The following VXN variants were observed in gnomAD, a reference collection of about 807,000 sequenced individuals.
VXN encodes vexin, also known as uncharacterized protein C8orf46.
A neutral mutation model predicts 23.1 loss-of-function variants in VXN; 7 were observed. The observed-to-expected ratio is 0.30, with a 90% CI of 0.17 to 0.57. The LOEUF (loss-of-function observed/expected upper bound fraction) is 0.57. VXN is among the 20% of genes least tolerant of loss of function. VXN has a pLI of 0.91. For synonymous variants in VXN, 120 were observed against 105.8 expected (o/e 1.13, Z -0.83); for missense variants, 238 against 272.6 (o/e 0.87, Z 0.89).
chr8:66,513,505 G>A, intron 4 of VXN, 35 bp from the exon 5 acceptor site: 1 of 1,558,322 alleles, frequency 6.4e-7, no homozygotes, highest in Non-Finnish European at 8.9e-7. Flanking sequence ...GAAGGCAGAT[G>A]CATCCTCACA....
In VXN at chr8:66,517,072, A is replaced by G. The variant is rs1214453328; in HGVS notation, c.*996A>G. On this transcript the variant is annotated 3_prime_UTR_variant, in exon 6 of 6. Coordinates refer to ENST00000305454, the MANE Select transcript of VXN (RefSeq NM_152765.4). ...GGATTTGAATGAAATACACTATTAT[A>G]TCTTATATGTTAGCTTGAACCAGAA... The G allele has an allele frequency of 6.6e-6, 1 of 152,250 alleles. No homozygotes were observed. The highest frequency in any genetic ancestry group is 2.4e-5 in the African/African-American group (1 of 41,478). 9.4% of individuals were successfully genotyped at this position (152,250 alleles called of 1,614,324 possible).
rs544597175 is a variant in VXN, at chr8:66,516,680, G to C, written c.*604G>C. On this transcript the variant is annotated 3_prime_UTR_variant, in exon 6 of 6. Transcript: ENST00000305454. Reference sequence around the variant, plus strand: ...GTTTTTCTATAGAAAAACATTAAAAGTTAAATGTTGACTGCTAATGTTTTC... The same window carrying C: ...GTTTTTCTATAGAAAAACATTAAAACTTAAATGTTGACTGCTAATGTTTTC... 6.6e-6 allele frequency: 1 copy of C among 152,334 alleles called. No individual in the cohort carries two copies. The highest frequency in any genetic ancestry group is 2.4e-5 in the African/African-American group (1 of 41,570). 9.4% of individuals were successfully genotyped at this position (152,334 alleles called of 1,614,324 possible). A position where few individuals can be genotyped will look rare whatever the true frequency, so the allele number is the denominator to read the frequency against.
chr8:66,496,614 G>T, intron 2 of VXN, 122 bp downstream of exon 2: 1 of 868,120 alleles, frequency 1.2e-6, no homozygotes, highest in Non-Finnish European at 1.9e-6. Context: ...GTTCCATGTG[G>T]TGCGTGCTGC....
At chr8:66,509,969 C>T (rs533417144) in intron 3 of VXN, 127 bp from the exon 4 acceptor site, 3 of 860,014 alleles carry the variant, frequency 3.5e-6, no homozygotes, top group East Asian at 5.1e-5. Context: ...GGTTTTGCTG[C>T]TTGGTACAAA....
At chr8:66,510,978 G>A (rs544533989) in intron 4 of VXN, among the ~76,000 whole-genome samples, 1 of 152,272 alleles carries the variant, frequency 6.6e-6, no homozygotes, top group South Asian at 2.1e-4. Flanking sequence ...AGGCTGAAAT[G>A]ACCAAGCTTT....
At position 66,510,138 on chromosome 8, in the gene VXN, G is replaced by A. The variant is rs771099781; in HGVS notation, c.323G>A (p.Arg108Gln). The A allele has an allele frequency of 7.4e-6, 12 of 1,612,504 alleles. No individual in the cohort carries two copies. Among genetic ancestry groups the A allele is most frequent in the Non-Finnish European group, 9.3e-6 (11 of 1,179,486 alleles). ...AAAACATCAAATCTGTGTGGGAATCGAGCATATGGAAAATCTCTGGTAAGT... is the reference window on the plus strand; with the variant it reads ...AAAACATCAAATCTGTGTGGGAATCAAGCATATGGAAAATCTCTGGTAAGT... Reference protein sequence around the residue: ...EPKTSNLCGNRAYGKSLIPPV... With the variant: ...EPKTSNLCGNQAYGKSLIPPV... The change falls in exon 4 of 6, where the codon CGA (arginine) becomes CAA (glutamine). Residue 108 changes from arginine to glutamine, a missense_variant. Arg to Gln is a conservative substitution (Grantham distance 43). Around this residue, in one of 2 missense-constraint regions of VXN, gnomAD observed 223 missense variants for 236.9 expected, o/e 0.94. Transcript: ENST00000305454.
chr8:66,511,616 G>A (rs1013599896), intron 4 of VXN, among the ~76,000 whole-genome samples: 2 of 152,228 alleles, frequency 1.3e-5, no homozygotes, highest in African/African-American at 4.8e-5. Flanking sequence ...GTCAAGAGGA[G>A]GCAGGTAGCT....
intron 4 of VXN, 25 bp from the exon 5 acceptor site, chr8:66,513,515 A>G (rs781137138): frequency 1.3e-6 from 2 of 1,599,998 alleles, no homozygotes; most frequent in Admixed American, 3.3e-5. Context: ...GCATCCTCAC[A>G]CTCCCTCCCG....
At position 66,515,953 on chromosome 8, in the gene VXN, C is replaced by T. The variant is rs1044442404; in HGVS notation, c.501C>T (p.Ala167=). Residue 167 remains alanine (A), a synonymous_variant, in exon 6 of 6, where the codon GCC becomes GCT. Transcript: ENST00000305454. Reference sequence around the variant, plus strand: ...CAGCCCTTCCCCAAGGAGCAGAAGCCTCTCTACCACTGACAGGCAGTGCTT... The same window carrying T: ...CAGCCCTTCCCCAAGGAGCAGAAGCTTCTCTACCACTGACAGGCAGTGCTT... ...EYPALPQGAE[A]SLPLTGSASC... 6.2e-7 allele frequency: 1 copy of T among 1,613,838 alleles called. No homozygotes were observed. Among genetic ancestry groups the T allele is most frequent in the Non-Finnish European group, 8.5e-7 (1 of 1,179,898 alleles).
chr8:66,511,647 C>G (rs969478545), intron 4 of VXN, among the ~76,000 whole-genome samples: 4 of 152,188 alleles, frequency 2.6e-5, no homozygotes, highest in African/African-American at 9.7e-5. Context: ...GACTGCCTGG[C>G]CCCAGCCCTT....
In VXN at chr8:66,505,362, C is replaced by T. The variant is rs755742922; in HGVS notation, c.127-13C>T. ...CAGAGGAGTGGGCTAACCGCGTTTC[C>T]CCCGCCCGGCAGGTGGTGATCGAGT... On this transcript the variant is annotated splice_polypyrimidine_tract_variant and intron_variant, in intron 2 of 5. Coordinates refer to ENST00000305454, the MANE Select transcript of VXN (RefSeq NM_152765.4). 4.4e-6 allele frequency: 7 copies of T among 1,574,222 alleles called. No homozygotes were observed. Among genetic ancestry groups the T allele is most frequent in the African/African-American group, 4.0e-5 (3 of 74,486 alleles).
intron 3 of VXN, among the ~76,000 whole-genome samples, chr8:66,507,842 A>C (rs1807776794): frequency 6.6e-6 from 1 of 152,188 alleles, no homozygotes; most frequent in East Asian, 1.9e-4. Context: ...CCTCCTGTCA[A>C]GAAAGGTGCC....
rs140756002 is a variant in VXN at position 66,517,635 on chromosome 8, T to C, written c.*1559T>C. On this transcript the variant is annotated 3_prime_UTR_variant, in exon 6 of 6. Transcript: ENST00000305454. ...TTAGTAATTCTTGCCCATGGAGGGA[T>C]TAGTGACACATGCCTTGTATATTTG... The C allele has an allele frequency of 4.6e-5, 7 of 152,372 alleles. No homozygotes were observed. In the East Asian group the frequency reaches 9.6e-4, roughly 21 times the overall value. The allele number at this position is 152,372 out of a possible 1,614,324, so 9.4% of individuals were successfully genotyped here.
At chr8:66,505,206 C>A in intron 2 of VXN, 169 bp from the exon 3 acceptor site, 1 of 916,814 alleles carries the variant, frequency 1.1e-6, no homozygotes, top group Non-Finnish European at 1.7e-6. Flanking sequence ...TCACTTCTGG[C>A]CGGTTTCCTG....
intron 1 of VXN, among the ~76,000 whole-genome samples, chr8:66,496,130 G>A (rs1807623502): frequency 6.6e-6 from 1 of 152,102 alleles, no homozygotes; most frequent in African/African-American, 2.4e-5. Flanking sequence ...GCATGTATCA[G>A]AATTCCATTC....
At chr8:66,515,348 A>G (rs1329478820) in intron 5 of VXN, among the ~76,000 whole-genome samples, 1 of 152,220 alleles carries the variant, frequency 6.6e-6, no homozygotes, top group Non-Finnish European at 1.5e-5. Flanking sequence ...AGGCATGAAC[A>G]CATGTTGAGG....
intron 3 of VXN, 92 bp downstream of exon 3, chr8:66,505,620 G>A: frequency 5.1e-6 from 7 of 1,375,154 alleles, no homozygotes; most frequent in Non-Finnish European, 5.7e-6. Context: ...CAGCGTTGGC[G>A]GTGGCTGCGG....
chr8:66,505,415 A>G lies in VXN; in HGVS notation c.167A>G (p.Glu56Gly). ...ESDLYTHQPL[E>G]LLPHRGDRRD... ...GACCTGTACACGCACCAGCCCCTGG[A>G]GCTGCTGCCCCACCGCGGAGACCGC... Residue 56 changes from glutamate (E) to glycine (G), a missense_variant, in exon 3 of 6, where the codon GAG becomes GGG. Coordinates refer to ENST00000305454, the MANE Select transcript of VXN (RefSeq NM_152765.4). The G allele has an allele frequency of 3.8e-6, 6 of 1,581,538 alleles. No individual in the cohort carries two copies. The highest frequency in any genetic ancestry group is 5.2e-6 in the Non-Finnish European group (6 of 1,164,508).
intron 2 of VXN, among the ~76,000 whole-genome samples, chr8:66,500,868 A>ATTTTTTTTT (rs1172553891): frequency 8.8e-6 from 1 of 114,152 alleles, no homozygotes. Context: ...AAAGGACATG[A>ATTTTTTTTT]TTTTTTTTTT....
Sources: allele counts gnomAD v4.1 joint callset (sites outside exome capture counted in the v4.1 genomes callset), GRCh38; gene constraint gnomAD v4.1.1; regional missense constraint gnomAD v4.1.1; transcripts MANE v1.5; gene names NCBI Gene and HGNC (gene_info 2026-07-23, HGNC 2026-07-21).